The following SEMA3C variants were observed in gnomAD, a reference collection of about 807,000 sequenced individuals.
SEMA3C encodes the protein semaphorin-3C.
Under a neutral mutation model 89.4 loss-of-function variants are expected in SEMA3C, and 47 were observed. That is an observed-to-expected ratio of 0.53 (90% CI 0.42 to 0.67). SEMA3C has a LOEUF of 0.67. Among genes scored for constraint, SEMA3C ranks in the 30% least tolerant of loss-of-function variants. SEMA3C has a pLI of 0.00. For synonymous variants in SEMA3C, 310 were observed against 320.2 expected, an observed-to-expected ratio of 0.97 and a Z score of 0.34; for missense variants, 839 against 929.1, an observed-to-expected ratio of 0.90 and a Z score of 1.26.
chr7:80,748,401 T>C (rs1433187636), intron 17 of SEMA3C, among the ~76,000 whole-genome samples: 3 of 152,174 alleles, frequency 2.0e-5, no homozygotes, highest in Admixed American at 6.6e-5. Flanking sequence ...TGATTCCATA[T>C]ATTACCTAAC....
At chr7:80,901,548 A>G (rs1325399726) in intron 2 of SEMA3C, among the ~76,000 whole-genome samples, 3 of 152,262 alleles carry the variant, frequency 2.0e-5, no homozygotes, top group African/African-American at 7.2e-5. Context: ...AAGTAGTAGA[A>G]GCACACTACA....
At chr7:80,805,532 T>TA in intron 7 of SEMA3C, 107 bp downstream of exon 7, 1 of 883,232 alleles carries the variant, frequency 1.1e-6, no homozygotes. Flanking sequence ...ATTCATGTAA[T>TA]AGCCTGCTAT....
intron 2 of SEMA3C, among the ~76,000 whole-genome samples, chr7:80,885,740 G>T (rs1791459439): frequency 7.3e-6 from 1 of 136,486 alleles, no homozygotes; most frequent in Non-Finnish European, 1.5e-5. Context: ...ATGAGTCAAA[G>T]TGATGTAAAT....
At chr7:80,770,286 G>A (rs1249620753) in intron 12 of SEMA3C, among the ~76,000 whole-genome samples, 3 of 152,192 alleles carry the variant, frequency 2.0e-5, no homozygotes, top group Non-Finnish European at 2.9e-5. Flanking sequence ...TCCACATAAA[G>A]CCATCTGCAT....
intron 2 of SEMA3C, among the ~76,000 whole-genome samples, chr7:80,840,287 T>C (rs566433886): frequency 4.0e-5 from 6 of 151,848 alleles, no homozygotes; most frequent in South Asian, 2.1e-4. Context: ...TGGGAGGCAA[T>C]AGCGGGTGAA....
chr7:80,885,303 G>A (rs1791449274), intron 2 of SEMA3C, among the ~76,000 whole-genome samples: 1 of 152,102 alleles, frequency 6.6e-6, no homozygotes, highest in Middle Eastern at 3.4e-3. Flanking sequence ...ATTGTTTAAG[G>A]AATAGTTTTT....
At chr7:80,848,450 G>A (rs755869267) in intron 2 of SEMA3C, among the ~76,000 whole-genome samples, 2 of 152,074 alleles carry the variant, frequency 1.3e-5, no homozygotes, top group African/African-American at 2.4e-5. Context: ...TCTACTAGAC[G>A]ATAACTTGAC....
intron 4 of SEMA3C, among the ~76,000 whole-genome samples, chr7:80,822,786 A>G (rs1432531661): frequency 3.9e-5 from 6 of 152,196 alleles, no homozygotes. Context: ...ATATCTGGAA[A>G]ATAATACACA....
intron 2 of SEMA3C, among the ~76,000 whole-genome samples, chr7:80,878,221 T>C (rs977333460): frequency 4.6e-5 from 7 of 151,992 alleles, no homozygotes; most frequent in African/African-American, 9.7e-5. Flanking sequence ...CTACTAAAAA[T>C]ACAAAATTAA....
In SEMA3C at chr7:80,851,971, A is replaced by C. The variant is rs557074237; in HGVS notation, c.104-23226T>G. 9.2e-5 allele frequency among the ~76,000 whole-genome samples: 14 copies of C among 152,256 alleles called. No homozygotes were observed. In the South Asian group the frequency reaches 2.3e-3, roughly 25 times the overall value. Reference sequence around the variant, plus strand: ...ATGATGGAAGGAGAATATCATGAAAAACGTTTGTTTTGGTTTGTTTTTCCA... The same window carrying C: ...ATGATGGAAGGAGAATATCATGAAACACGTTTGTTTTGGTTTGTTTTTCCA... On this transcript the variant is annotated intron_variant, in intron 2 of 17. Coordinates refer to ENST00000265361, the MANE Select transcript of SEMA3C (RefSeq NM_006379.5).
chr7:80,916,629 A>G, intron 2 of SEMA3C, 50 bp downstream of exon 2: 2 of 1,535,374 alleles, frequency 1.3e-6, no homozygotes, highest in South Asian at 2.4e-5. Flanking sequence ...TAAGGAAGAT[A>G]ACAAAACTTA....
chr7:80,845,312 A>G (rs1330850460), intron 2 of SEMA3C, among the ~76,000 whole-genome samples: 1 of 152,036 alleles, frequency 6.6e-6, no homozygotes, highest in Non-Finnish European at 1.5e-5. Context: ...ACTTTTTTTG[A>G]AACGTGCATT....
At chr7:80,795,812 C>A (rs1226033705) in intron 11 of SEMA3C, among the ~76,000 whole-genome samples, 3 of 152,164 alleles carry the variant, frequency 2.0e-5, no homozygotes, top group Non-Finnish European at 4.4e-5. Context: ...AAAAAAAAAT[C>A]TCCCTGATTT....
chr7:80,755,646 C>A (rs1788048989), intron 15 of SEMA3C, among the ~76,000 whole-genome samples: 1 of 151,838 alleles, frequency 6.6e-6, no homozygotes, highest in African/African-American at 2.4e-5. Flanking sequence ...GATTATATTG[C>A]AGGTGTTAGA....
At chr7:80,788,373 G>A (rs1014076792) in intron 12 of SEMA3C, among the ~76,000 whole-genome samples, 1 of 152,170 alleles carries the variant, frequency 6.6e-6, no homozygotes, top group Non-Finnish European at 1.5e-5. Flanking sequence ...CTGCCCGACC[G>A]ACAAGCCAGG....
intron 6 of SEMA3C, among the ~76,000 whole-genome samples, chr7:80,807,232 T>C (rs3778680): frequency 0.014 from 2,117 of 152,268 alleles, 63 homozygotes; most frequent in Admixed American, 0.068. Context: ...TATACATTCC[T>C]GCTGTTCAAC....
At chr7:80,823,989 T>C (rs1016386539) in intron 4 of SEMA3C, among the ~76,000 whole-genome samples, 5 of 152,172 alleles carry the variant, frequency 3.3e-5, no homozygotes, top group African/African-American at 1.2e-4. Flanking sequence ...TGAAAATTTA[T>C]TTTCTTTAAA....
chr7:80,755,990 C>CGT (rs1788057292), intron 15 of SEMA3C, among the ~76,000 whole-genome samples: 1 of 152,112 alleles, frequency 6.6e-6, no homozygotes, highest in Non-Finnish European at 1.5e-5. Flanking sequence ...ATCTACGAGA[C>CGT]TCCTGGTTTA....
intron 8 of SEMA3C, among the ~76,000 whole-genome samples, chr7:80,803,552 G>A (rs1789263068): frequency 7.2e-5 from 11 of 152,028 alleles, no homozygotes; most frequent in Admixed American, 6.6e-4. Context: ...TTATAGAAAG[G>A]ACATCACAAA....
Sources: gnomAD v4.1 joint callset for allele counts (sites outside exome capture counted in the v4.1 genomes callset) on GRCh38, gnomAD v4.1.1 for gene constraint, MANE v1.5 for transcripts, NCBI Gene and HGNC (gene_info 2026-07-23, HGNC 2026-07-21) for gene names.